Variants in QSOX1 observed in about 807,000 individuals in gnomAD.
The protein encoded by QSOX1 is quiescin sulfhydryl oxidase 1, also known as sulfhydryl oxidase 1.
A neutral mutation model predicts 76.1 loss-of-function variants in QSOX1; 40 were observed. The ratio of observed to expected loss-of-function variants is 0.53; its 90% confidence interval spans 0.41 to 0.68. The LOEUF (loss-of-function observed/expected upper bound fraction) is 0.68. QSOX1 is among the 30% of genes least tolerant of loss of function. The pLI is 0.00. For missense variants in QSOX1, 931 were observed against 974.3 expected, an observed-to-expected ratio of 0.96 and a Z score of 0.59; for synonymous variants, 392 against 413.1, an observed-to-expected ratio of 0.95 and a Z score of 0.62.
rs1011021295 is a variant in QSOX1, at chr1:180,190,323, T to C, written c.1141-110T>C. ...AAGGGAAATGCCACCTTCGAGGTGA[T>C]AGACTGAGGGACCTCATTTGTCTTA... On this transcript the variant is annotated intron_variant, in intron 9 of 11. Transcript: ENST00000367602. The C allele has an allele frequency of 6.4e-5, 80 of 1,252,288 alleles. 1 individual carries two copies. In the Middle Eastern group the frequency reaches 7.9e-4, roughly 12 times the overall value. 77.6% of individuals were successfully genotyped at this position (1,252,288 alleles called of 1,614,324 possible).
At chr1:180,192,070 T>A (rs1663334193) in intron 10 of QSOX1, among the ~76,000 whole-genome samples, 1 of 152,144 alleles carries the variant, frequency 6.6e-6, no homozygotes, top group East Asian at 1.9e-4. Context: ...TTACCTTCAT[T>A]ACCTCTTTAA....
chr1:180,189,980 A>G (rs1663270075), intron 9 of QSOX1, among the ~76,000 whole-genome samples: 1 of 152,212 alleles, frequency 6.6e-6, no homozygotes, highest in South Asian at 2.1e-4. Flanking sequence ...GGCTGGGATG[A>G]AAACTTGGTG....
At chr1:180,188,126 G>C (rs1374127988) in intron 8 of QSOX1, among the ~76,000 whole-genome samples, 2 of 152,194 alleles carry the variant, frequency 1.3e-5, no homozygotes, top group African/African-American at 4.8e-5. Context: ...CTAGTGAGGG[G>C]CTGGGCAGGG....
intron 2 of QSOX1, among the ~76,000 whole-genome samples, chr1:180,172,826 G>A (rs962378633): frequency 6.6e-6 from 1 of 151,854 alleles, no homozygotes; most frequent in Admixed American, 6.6e-5. Context: ...TCCTGGAGAG[G>A]CTGCCTTTTG....
rs955928551 is a variant in QSOX1 at position 180,154,916 on chromosome 1, G to T, written c.9G>T (p.Arg3Ser). The T allele has an allele frequency of 2.1e-6, 3 of 1,459,680 alleles. No individual in the cohort carries two copies. Among genetic ancestry groups the T allele is most frequent in the Non-Finnish European group, 2.7e-6 (3 of 1,114,256 alleles). 90.4% of individuals were successfully genotyped at this position (1,459,680 alleles called of 1,614,324 possible). A position where few individuals can be genotyped will look rare whatever the true frequency, so the allele number is the denominator to read the frequency against. ...TGAGCGCAGCGCCGAGGATGAGGAG[G>T]TGCAACAGCGGCTCCGGGCCGCCGC... MR[R>S]CNSGSGPPPS... Residue 3 changes from arginine (R) to serine (S), a missense_variant, in exon 1 of 12, where the codon AGG (arginine) becomes AGT (serine). Transcript: ENST00000367602.
In QSOX1 at chr1:180,194,604, C is replaced by T. The variant is rs116308575; in HGVS notation, c.1468+212C>T. 5.6e-3 allele frequency among the ~76,000 whole-genome samples: 851 copies of T among 152,346 alleles called. 5 individuals are homozygous for T. Among genetic ancestry groups the T allele is most frequent in the African/African-American group, 0.02 (820 of 41,576 alleles). ...CTGTAAGACCCTGGTCTTCCCATGC[C>T]GTTGCTCACTTTTTCCCTGCTCTAG... On this transcript the variant is annotated intron_variant, in intron 11 of 11. Transcript: ENST00000367602.
intron 10 of QSOX1, among the ~76,000 whole-genome samples, chr1:180,192,522 A>C (rs1663343677): frequency 6.6e-6 from 1 of 152,110 alleles, no homozygotes; most frequent in African/African-American, 2.4e-5. Context: ...CCCTGGAGGA[A>C]GTGGTCAGAT....
rs758183111 is a variant in QSOX1, at chr1:180,196,642, C to G, written c.1849C>G (p.Pro617Ala). ...GCTGCACCCTGGCCTCAGAGCTGCA[C>G]CAGGCCAGGAGCCTCCTGAGCACAT... ...PKLHPGLRAA[P>A]GQEPPEHMAE... The change falls in exon 12 of 12, where the codon CCA (proline) becomes GCA (alanine). Residue 617 changes from proline (P) to alanine (A), a missense_variant. Transcript: ENST00000367602. This position sits in a 1 kb window ranked among gnomAD's most constrained non-coding sequence, Gnocchi z 4.1. 3.7e-6 allele frequency: 6 copies of G among 1,614,050 alleles called. No individual in the cohort carries two copies. The highest frequency in any genetic ancestry group is 4.2e-6 in the Non-Finnish European group (5 of 1,180,042).
intron 1 of QSOX1, among the ~76,000 whole-genome samples, chr1:180,162,938 T>A (rs1662526793): frequency 6.6e-6 from 1 of 152,196 alleles, no homozygotes; most frequent in South Asian, 2.1e-4. Context: ...AAGGACCTAG[T>A]AAAGACAACA....
intron 3 of QSOX1, among the ~76,000 whole-genome samples, chr1:180,175,648 G>A (rs1304802359): frequency 6.6e-6 from 1 of 152,210 alleles, no homozygotes; most frequent in Non-Finnish European, 1.5e-5. Flanking sequence ...AATGGGGTTG[G>A]CGCCCAGAGA....
chr1:180,159,651 A>G lies in QSOX1; in HGVS notation c.265+4479A>G, dbSNP rs2149228925. ...TTCGGTCCCTTTTAAAGGTTAAAGC[A>G]GAGGAGACTTCTGTATGTTGGCTGA... On this transcript the variant is annotated intron_variant, in intron 1 of 11. Coordinates refer to ENST00000367602, the MANE Select transcript of QSOX1 (RefSeq NM_002826.5). Among the ~76,000 whole-genome samples, 3 of 152,394 alleles carry G rather than the reference A, an allele frequency of 2.0e-5. No homozygotes were observed. The South Asian group carries it at 6.2e-4, about 32-fold the overall frequency.
chr1:180,187,621 A>G (rs1439096284), intron 8 of QSOX1, among the ~76,000 whole-genome samples: 1 of 152,172 alleles, frequency 6.6e-6, no homozygotes, highest in Non-Finnish European at 1.5e-5. Context: ...GGTATGGGGG[A>G]AAAGAATGAG....
Position 180,183,926 on chromosome 1 carries a change from T to G in QSOX1, c.763T>G (p.Ser255Ala). Residue 255 changes from serine (S) to alanine (A), a missense_variant, in exon 7 of 12, where the codon TCC becomes GCC. Ser to Ala is a moderately conservative substitution (Grantham distance 99). Transcript: ENST00000367602. ...TCTGTGCCCTCACAGGCTCATGGAA[T>G]CCAGGTCCTTCTATACCGCTTACCT... ...SVSRVPVLME[S>A]RSFYTAYLQR... 6.2e-7 allele frequency: 1 copy of G among 1,613,778 alleles called. No individual in the cohort carries two copies. Among genetic ancestry groups the G allele is most frequent in the African/African-American group, 1.3e-5 (1 of 75,048 alleles).
intron 9 of QSOX1, among the ~76,000 whole-genome samples, chr1:180,189,883 G>C (rs1407136734): frequency 1.3e-5 from 2 of 152,202 alleles, no homozygotes; most frequent in African/African-American, 4.8e-5. Context: ...GTGGAAGGTA[G>C]ATATTCTCCC....
rs1663517365 is a variant in QSOX1, at chr1:180,197,156, C to T, written c.*119C>T. 2.1e-6 allele frequency: 3 copies of T among 1,406,096 alleles called. No homozygotes were observed. The highest frequency in any genetic ancestry group is 2.8e-6 in the Non-Finnish European group (3 of 1,067,210). 87.1% of individuals were successfully genotyped at this position (1,406,096 alleles called of 1,614,324 possible). On this transcript the variant is annotated 3_prime_UTR_variant, in exon 12 of 12. Transcript: ENST00000367602. The stretch of plus-strand genomic sequence containing the variant: ...GTCTGGCCTAGAAGTGTGGGAAATT[C>T]AGGAAAACGAGTTGCTCCAGTGAAG...
In QSOX1 at chr1:180,177,072, T is replaced by G. The variant is rs559757065; in HGVS notation, c.515+1039T>G. 7.9e-4 allele frequency among the ~76,000 whole-genome samples: 121 copies of G among 152,258 alleles called. 1 individual carries two copies. The Middle Eastern group carries it at 0.01, about 13-fold the overall frequency. The stretch of plus-strand genomic sequence containing the variant: ...TGGGGTTCCACAGCCAGACCCTGTC[T>G]CTCCAGAAAACACCCATGTCAGCCT... On this transcript the variant is annotated intron_variant, in intron 4 of 11. Transcript: ENST00000367602.
At chr1:180,175,742 C>T (rs1431771396) in intron 3 of QSOX1, among the ~76,000 whole-genome samples, 189 bp from the exon 4 acceptor site, 1 of 152,188 alleles carries the variant, frequency 6.6e-6, no homozygotes, top group Non-Finnish European at 1.5e-5. Context: ...TGTCCTTGCA[C>T]TACTTGGGGC....
rs186021568 is a variant in QSOX1, at chr1:180,164,040, G to A, written c.266-2451G>A. Among the ~76,000 whole-genome samples, 5 of 152,320 alleles carry A rather than the reference G, an allele frequency of 3.3e-5. No homozygotes were observed. In the East Asian group the frequency reaches 9.6e-4, roughly 29 times the overall value. The stretch of plus-strand genomic sequence containing the variant: ...GACAGGCATGAAGAGATGGAGGTTT[G>A]GGTGAGGGAAGAGACTTCAGAGGAG... On this transcript the variant is annotated intron_variant, in intron 1 of 11. Transcript: ENST00000367602.
intron 8 of QSOX1, among the ~76,000 whole-genome samples, chr1:180,187,499 C>G (rs763571050): frequency 4.4e-4 from 67 of 152,356 alleles, no homozygotes; most frequent in Admixed American, 7.8e-4. Context: ...CACCCTAGTC[C>G]AGTACTCTCC....
Sources: gnomAD v4.1 joint callset for allele counts (sites outside exome capture counted in the v4.1 genomes callset) on GRCh38, gnomAD v4.1.1 for gene constraint, Gnocchi (gnomAD v3.1) non-coding constraint, MANE v1.5 for transcripts, NCBI Gene and HGNC (gene_info 2026-07-23, HGNC 2026-07-21) for gene names.